Variants in HEATR5B observed in about 807,000 individuals in gnomAD.
HEATR5B encodes HEAT repeat containing 5B.
HEATR5B carries 156 observed loss-of-function variants against 224.1 expected under a neutral mutation model. The observed-to-expected ratio is 0.70, with a 90% confidence interval of 0.61 to 0.80. HEATR5B has a LOEUF of 0.80. Ranked by LOEUF, HEATR5B falls within the 30% of genes least tolerant of loss-of-function variation. The pLI is 0.00. For missense variants in HEATR5B, 2,323 were observed against 2,535.5 expected (o/e 0.92, Z 1.80); for synonymous variants, 1,027 against 893.0 (o/e 1.15, Z -2.68).
intron 11 of HEATR5B, among the ~76,000 whole-genome samples, chr2:37,060,972 T>C (rs1393929105): frequency 6.6e-6 from 1 of 152,204 alleles, no homozygotes; most frequent in African/African-American, 2.4e-5. Flanking sequence ...CACCTTAAAC[T>C]GTCAATATTT....
At chr2:37,078,309 T>G (rs1672357318) in intron 3 of HEATR5B, among the ~76,000 whole-genome samples, 1 of 152,248 alleles carries the variant, frequency 6.6e-6, no homozygotes, top group South Asian at 2.1e-4. Flanking sequence ...AATCTCATGC[T>G]TTTTGATACC....
chr2:37,076,479 A>C (rs765084307), intron 4 of HEATR5B, among the ~76,000 whole-genome samples: 1 of 152,190 alleles, frequency 6.6e-6, no homozygotes, highest in Non-Finnish European at 1.5e-5. Flanking sequence ...GAAGGAAAGG[A>C]AACATTCTTC....
chr2:37,023,570 AC>A (rs1668592331), intron 24 of HEATR5B, among the ~76,000 whole-genome samples: 1 of 152,078 alleles, frequency 6.6e-6, no homozygotes, highest in South Asian at 2.1e-4. Flanking sequence ...GGAGTTTGAG[AC>A]CAGCCTGGCC....
intron 4 of HEATR5B, 108 bp from the exon 5 acceptor site, chr2:37,075,742 A>G: frequency 1.6e-6 from 1 of 634,756 alleles, no homozygotes; most frequent in South Asian, 3.0e-5. Flanking sequence ...CCTCCAAATT[A>G]TAAACGGTAA....
chr2:37,076,289 A>G (rs1672227221), intron 4 of HEATR5B: 1 of 152,304 alleles, frequency 6.6e-6, no homozygotes, highest in African/African-American at 2.4e-5. Context: ...ATAGACAAAT[A>G]GTTCCCAGAA....
intron 12 of HEATR5B, among the ~76,000 whole-genome samples, chr2:37,059,952 A>C (rs1433647483): frequency 6.6e-6 from 1 of 152,164 alleles, no homozygotes; most frequent in Non-Finnish European, 1.5e-5. Context: ...TGAAACATGT[A>C]TCTCTCTCCC....
chr2:36,996,842 T>A (rs915341990), intron 33 of HEATR5B, among the ~76,000 whole-genome samples: 10 of 152,322 alleles, frequency 6.6e-5, no homozygotes, highest in African/African-American at 1.9e-4. Context: ...TCCACCCGCC[T>A]CAGCCTCCCA....
intron 3 of HEATR5B, among the ~76,000 whole-genome samples, chr2:37,078,220 G>C (rs528246039): frequency 6.6e-6 from 1 of 152,158 alleles, no homozygotes; most frequent in Non-Finnish European, 1.5e-5. Flanking sequence ...AGATAAGAGA[G>C]GTTAACTAAA....
In HEATR5B at chr2:37,060,459, A is replaced by C. The variant is rs1181811032; in HGVS notation, c.1849+122T>G. 3.0e-5 allele frequency: 23 copies of C among 777,676 alleles called. No homozygotes were observed. In the South Asian group the frequency reaches 4.1e-4, roughly 14 times the overall value. 48.2% of individuals were successfully genotyped at this position (777,676 alleles called of 1,614,324 possible). On this transcript the variant is annotated intron_variant, in intron 12 of 35. Coordinates refer to ENST00000233099, the MANE Select transcript of HEATR5B (RefSeq NM_019024.3). ...TTATAAAGTTTCTATTTAAATCTAA[A>C]AGCCTATGAATTTATCATTACCTAG...
At chr2:37,024,180 G>T (rs1288925361) in intron 24 of HEATR5B, among the ~76,000 whole-genome samples, 1 of 152,188 alleles carries the variant, frequency 6.6e-6, no homozygotes, top group African/African-American at 2.4e-5. Context: ...CTCACTCATA[G>T]GTGGAATCTA....
chr2:37,028,497 A>G (rs1668920122), intron 23 of HEATR5B, among the ~76,000 whole-genome samples, 184 bp downstream of exon 23: 1 of 152,204 alleles, frequency 6.6e-6, no homozygotes, highest in South Asian at 2.1e-4. Flanking sequence ...ACAATATAAA[A>G]AAGCTCATTT....
At chr2:37,038,920 G>GGGAA (rs58707175) in intron 20 of HEATR5B, among the ~76,000 whole-genome samples, 5 of 124,590 alleles carry the variant, frequency 4.0e-5, no homozygotes, top group African/African-American at 9.2e-5. Flanking sequence ...GGGGGGTGGG[G>GGGAA]AATCACATAT....
At chr2:36,999,503 C>A (rs1666947154) in intron 33 of HEATR5B, among the ~76,000 whole-genome samples, 1 of 151,626 alleles carries the variant, frequency 6.6e-6, no homozygotes, top group Non-Finnish European at 1.5e-5. Flanking sequence ...CATGGTGAAA[C>A]CCCGTCTCTA....
intron 34 of HEATR5B, among the ~76,000 whole-genome samples, chr2:36,989,899 CTTTTT>C (rs766148486): frequency 6.7e-5 from 6 of 88,902 alleles, no homozygotes; most frequent in Admixed American, 1.5e-4. Context: ...AGAATGTTTC[CTTTTT>C]TTTTTTTTTT....
At chr2:37,019,314 AT>A (rs1558739325) in intron 26 of HEATR5B, among the ~76,000 whole-genome samples, 1 of 152,136 alleles carries the variant, frequency 6.6e-6, no homozygotes, top group Non-Finnish European at 1.5e-5. Context: ...AAGTAGCAAA[AT>A]TTTCATAATG....
chr2:36,989,778 A>T (rs1666195351), intron 34 of HEATR5B, among the ~76,000 whole-genome samples: 1 of 152,168 alleles, frequency 6.6e-6, no homozygotes, highest in Admixed American at 6.5e-5. Context: ...GTAGAACACA[A>T]GTGGCTAAAT....
intron 2 of HEATR5B, among the ~76,000 whole-genome samples, chr2:37,080,875 G>C (rs1672518870): frequency 6.6e-6 from 1 of 152,014 alleles, no homozygotes; most frequent in South Asian, 2.1e-4. Context: ...CAGCGTCTTG[G>C]GAAGCCACGA....
chr2:37,019,671 G>A, intron 26 of HEATR5B, 138 bp downstream of exon 26: 1 of 601,586 alleles, frequency 1.7e-6, no homozygotes, highest in Non-Finnish European at 2.9e-6. Context: ...TGGCCAGGCT[G>A]ATCTCAAACT....
At chr2:37,054,480 A>ATTTTTTTTT (rs11433192) in intron 16 of HEATR5B, among the ~76,000 whole-genome samples, 2 of 75,234 alleles carry the variant, frequency 2.7e-5, no homozygotes, top group Non-Finnish European at 4.7e-5. Context: ...TGTGCTCTGC[A>ATTTTTTTTT]TTTTTTTTTT....
Sources: gnomAD v4.1 joint callset for allele counts (sites outside exome capture counted in the v4.1 genomes callset) on GRCh38, gnomAD v4.1.1 for gene constraint, MANE v1.5 for transcripts, NCBI Gene and HGNC (gene_info 2026-07-23, HGNC 2026-07-21) for gene names.